Variants in CEP128 observed in about 807,000 individuals in gnomAD.
CEP128 encodes centrosomal protein 128.
CEP128 carries 132 observed loss-of-function variants against 156.7 expected under a neutral mutation model. The ratio of observed to expected loss-of-function variants is 0.84; its 90% confidence interval spans 0.73 to 0.97. The LOEUF (loss-of-function observed/expected upper bound fraction) is 0.97, where lower values mean the gene tolerates loss of function less well. Ranked by LOEUF, CEP128 falls within the 50% of genes least tolerant of loss-of-function variation. CEP128 has a pLI of 0.00. For synonymous variants in CEP128, 469 were observed against 448.9 expected (o/e 1.04, Z -0.57); for missense variants, 1,252 against 1,281.9 (o/e 0.98, Z 0.36).
At chr14:80,941,313 C>T (rs1336654103) in intron 1 of CEP128, among the ~76,000 whole-genome samples, 4 of 152,196 alleles carry the variant, frequency 2.6e-5, no homozygotes, top group Non-Finnish European at 4.4e-5. Context: ...AAGCTGCTCC[C>T]AAAGGAAGGA....
chr14:80,601,360 CT>C (rs2140531717), intron 19 of CEP128, among the ~76,000 whole-genome samples: 1 of 152,216 alleles, frequency 6.6e-6, no homozygotes, highest in South Asian at 2.1e-4. Context: ...GGTGTCCAAT[CT>C]TTTGGCTTCC....
chr14:80,479,588 C>T lies in CEP128; in HGVS notation c.*311-1181G>A, dbSNP rs1887011835. Among the ~76,000 whole-genome samples, 3 of 152,172 alleles carry T rather than the reference C, an allele frequency of 2.0e-5. No homozygotes were observed. In the South Asian group the frequency reaches 6.2e-4, roughly 31 times the overall value. ...TTGAATTACCTTCCACTGGGTCCCT[C>T]CCACAACATGTGGGAATTCTGGGAG... On this transcript the variant is annotated intron_variant and NMD_transcript_variant, in intron 14 of 14. Coordinates refer to the CEP128 transcript ENST00000554502.
At chr14:80,702,413 G>A (rs1332910521) in intron 19 of CEP128, among the ~76,000 whole-genome samples, 1 of 152,154 alleles carries the variant, frequency 6.6e-6, no homozygotes, top group Non-Finnish European at 1.5e-5. Context: ...CCTTGTGTGT[G>A]CATTCCTCAC....
chr14:80,811,935 T>C (rs1884579259), intron 13 of CEP128, among the ~76,000 whole-genome samples: 1 of 152,208 alleles, frequency 6.6e-6, no homozygotes, highest in African/African-American at 2.4e-5. Context: ...TTTTTCCAAT[T>C]TTTATTTTAG....
chr14:80,694,241 T>C (rs1265109595), intron 19 of CEP128, among the ~76,000 whole-genome samples: 4 of 152,292 alleles, frequency 2.6e-5, no homozygotes, highest in Non-Finnish European at 5.9e-5. Flanking sequence ...TGGCAATTAC[T>C]AAAAAGTCAG....
chr14:80,908,883 G>A (rs1005595211), intron 4 of CEP128, among the ~76,000 whole-genome samples: 12 of 152,168 alleles, frequency 7.9e-5, no homozygotes, highest in Non-Finnish European at 1.2e-4. Flanking sequence ...TTCTGTCACC[G>A]TGAAGGCTGG....
At chr14:80,685,532 C>T (rs900408923) in intron 19 of CEP128, among the ~76,000 whole-genome samples, 1 of 152,172 alleles carries the variant, frequency 6.6e-6, no homozygotes, top group Admixed American at 6.5e-5. Flanking sequence ...AATCAATCTA[C>T]AGATTCAACG....
Position 80,854,614 on chromosome 14 carries a change from C to G in CEP128, c.762+8143G>C, listed in dbSNP as rs1887056343. 1.3e-5 allele frequency among the ~76,000 whole-genome samples: 2 copies of G among 152,018 alleles called. 1 individual carries two copies. Among genetic ancestry groups the G allele is most frequent in the South Asian group, 4.1e-4 (2 of 4,824 alleles). Reference sequence around the variant, plus strand: ...GTTGGAAGAGATGTAGGAAAAAAATCAGCCATGTAAATAAATAAATAAGCC... The same window carrying G: ...GTTGGAAGAGATGTAGGAAAAAAATGAGCCATGTAAATAAATAAATAAGCC... On this transcript the variant is annotated intron_variant, in intron 9 of 24. Transcript: ENST00000555265.
At chr14:80,893,870 T>C (rs576375711) in intron 8 of CEP128, among the ~76,000 whole-genome samples, 1 of 152,126 alleles carries the variant, frequency 6.6e-6, no homozygotes, top group Admixed American at 6.5e-5. Flanking sequence ...GATGTTTGTG[T>C]ATATGAACAT....
At position 80,667,686 on chromosome 14, in the gene CEP128, G is replaced by A. The variant is rs147607641; in HGVS notation, c.2806+75389C>T. ...ATCCTGGCTAACACGGTGAAACCCC[G>A]TCTCTACTAAAAATACAAAAAATTA... On this transcript the variant is annotated intron_variant, in intron 19 of 24. Transcript: ENST00000555265. 7.1e-3 allele frequency among the ~76,000 whole-genome samples: 1,074 copies of A among 151,814 alleles called. 10 individuals carry two copies. Among genetic ancestry groups the A allele is most frequent in the African/African-American group, 0.025 (1,018 of 41,396 alleles).
intron 19 of CEP128, among the ~76,000 whole-genome samples, chr14:80,630,337 T>G (rs1207160847): frequency 6.6e-6 from 1 of 151,850 alleles, no homozygotes; most frequent in East Asian, 1.9e-4. Flanking sequence ...GTAAGTAAAT[T>G]GAATTGAATA....
intron 19 of CEP128, among the ~76,000 whole-genome samples, chr14:80,733,180 T>C (rs1898359968): frequency 6.6e-6 from 1 of 152,170 alleles, no homozygotes; most frequent in Non-Finnish European, 1.5e-5. Flanking sequence ...ATCAATTCTC[T>C]CTTGCCTTAA....
At chr14:80,589,350 T>C (rs1427685145) in intron 19 of CEP128, among the ~76,000 whole-genome samples, 1 of 151,682 alleles carries the variant, frequency 6.6e-6, no homozygotes, top group Non-Finnish European at 1.5e-5. Flanking sequence ...TTTCATTAAG[T>C]AATAAATTCA....
intron 24 of CEP128, among the ~76,000 whole-genome samples, chr14:80,499,294 A>G (rs1887631376): frequency 6.6e-6 from 1 of 152,190 alleles, no homozygotes; most frequent in Non-Finnish European, 1.5e-5. Flanking sequence ...CTTGCTGTGG[A>G]TAAATTATTT....
intron 19 of CEP128, among the ~76,000 whole-genome samples, chr14:80,632,500 T>C (rs1894002849): frequency 6.7e-6 from 1 of 148,946 alleles, no homozygotes; most frequent in Non-Finnish European, 1.5e-5. Context: ...ATTATACAGA[T>C]TACATATATA....
intron 23 of CEP128, among the ~76,000 whole-genome samples, chr14:80,511,529 A>G (rs1888256708): frequency 6.6e-6 from 1 of 151,722 alleles, no homozygotes; most frequent in Non-Finnish European, 1.5e-5. Context: ...TGTCAATTTC[A>G]TCTTTTCAAA....
rs1224785096 is a variant in CEP128, at chr14:80,647,011, A to ATG, written c.2807-66590_2807-66589dup. On this transcript the variant is annotated intron_variant, in intron 19 of 24. Coordinates refer to ENST00000555265, the MANE Select transcript of CEP128 (RefSeq NM_152446.5). ...TTATAAGAAATATATATATATATAT[A>ATG]TGTGTGTGTATATATATGTGTGCAT... Among the ~76,000 whole-genome samples, 122 of 72,524 alleles carry ATG rather than the reference A, an allele frequency of 1.7e-3. 3 individuals are homozygous for ATG. The highest frequency in any genetic ancestry group is 4.0e-3 in the African/African-American group (107 of 26,968). The allele number at this position is 72,524 out of a possible 152,430, so 47.6% of individuals were successfully genotyped here.
At chr14:80,747,214 A>G (rs922507758) in intron 18 of CEP128, among the ~76,000 whole-genome samples, 4 of 152,242 alleles carry the variant, frequency 2.6e-5, no homozygotes, top group African/African-American at 9.6e-5. Context: ...CATATAACCC[A>G]GCAGTTCTAC....
At chr14:80,734,578 G>C (rs1000700010) in intron 19 of CEP128, among the ~76,000 whole-genome samples, 1 of 151,938 alleles carries the variant, frequency 6.6e-6, no homozygotes, top group Non-Finnish European at 1.5e-5. Context: ...GGCTGGGCAC[G>C]GTGGCTCACA....
Sources: allele counts gnomAD v4.1 joint callset (sites outside exome capture counted in the v4.1 genomes callset), GRCh38; gene constraint gnomAD v4.1.1; transcripts MANE v1.5; gene names NCBI Gene and HGNC (gene_info 2026-07-23, HGNC 2026-07-21).